TTC21B: variants seen among roughly 807,000 people sequenced by gnomAD.
The protein encoded by TTC21B is tetratricopeptide repeat domain 21B, also known as tetratricopeptide repeat protein 21B.
Under a neutral mutation model 175.1 loss-of-function variants are expected in TTC21B, and 127 were observed. The observed-to-expected ratio is 0.73, with a 90% CI of 0.63 to 0.84. TTC21B has a LOEUF of 0.84. Among genes scored for constraint, TTC21B ranks in the 40% least tolerant of loss-of-function variants. The pLI is 0.00. For missense variants in TTC21B, 1,561 were observed against 1,558.3 expected, an observed-to-expected ratio of 1.00 and a Z score of -0.03; for synonymous variants, 524 against 524.5, an observed-to-expected ratio of 1.00 and a Z score of 0.01.
rs747640594 is a variant in TTC21B, at chr2:165,919,437, A to G, written c.1517-4T>C. ...TTGAAAGCTGCTTCAATATCACCTAATAAGAAAAACAATGCATTGTTATAA... is the reference window on the plus strand; with the variant it reads ...TTGAAAGCTGCTTCAATATCACCTAGTAAGAAAAACAATGCATTGTTATAA... On this transcript the variant is annotated splice_region_variant and splice_polypyrimidine_tract_variant and intron_variant, in intron 12 of 28. Transcript: ENST00000243344. 19 of 1,613,786 alleles carry G rather than the reference A, an allele frequency of 1.2e-5. No individual in the cohort carries two copies. Among genetic ancestry groups the G allele is most frequent in the Admixed American group, 1.7e-5 (1 of 60,022 alleles).
At chr2:165,887,334 C>T (rs1281178027) in intron 25 of TTC21B, among the ~76,000 whole-genome samples, 3 of 152,084 alleles carry the variant, frequency 2.0e-5, no homozygotes, top group Non-Finnish European at 4.4e-5. Context: ...TAACTATTAC[C>T]AACTGCTGAT....
intron 6 of TTC21B, 114 bp from the exon 7 acceptor site, chr2:165,933,171 T>C (rs988640462): frequency 1.3e-5 from 10 of 764,676 alleles, no homozygotes; most frequent in Non-Finnish European, 2.2e-5. Flanking sequence ...ATAAGTAATT[T>C]TCACTAGTAA....
intron 27 of TTC21B, among the ~76,000 whole-genome samples, chr2:165,877,637 T>C (rs1388436329): frequency 9.2e-5 from 14 of 152,214 alleles, no homozygotes; most frequent in Admixed American, 5.2e-4. Context: ...TGTCTAATGA[T>C]GCATATCTCA....
At chr2:165,898,048 A>G (rs902004666) in intron 22 of TTC21B, among the ~76,000 whole-genome samples, 9 of 152,124 alleles carry the variant, frequency 5.9e-5, no homozygotes, top group Non-Finnish European at 1.0e-4. Flanking sequence ...TTCACAGAAA[A>G]TTTGTTGTCG....
intron 27 of TTC21B, 70 bp downstream of exon 27, chr2:165,880,609 G>T: frequency 6.6e-7 from 1 of 1,526,230 alleles, no homozygotes; most frequent in Non-Finnish European, 9.0e-7. Flanking sequence ...AAAATCAAAT[G>T]CATTTAAATG....
At chr2:165,946,169 CAAAAA>C (rs3032577) in intron 3 of TTC21B, among the ~76,000 whole-genome samples, 1 of 116,608 alleles carries the variant, frequency 8.6e-6, no homozygotes. Context: ...ACTAAAGATA[CAAAAA>C]AAAAAAAAAA....
intron 17 of TTC21B, among the ~76,000 whole-genome samples, chr2:165,911,729 C>T (rs1685954265): frequency 6.6e-6 from 1 of 151,526 alleles, no homozygotes; most frequent in African/African-American, 2.4e-5. Flanking sequence ...GTGATGCAAT[C>T]TCAGCTCACT....
intron 26 of TTC21B, 53 bp from the exon 27 acceptor site, chr2:165,880,852 T>C: frequency 6.3e-7 from 1 of 1,577,342 alleles, no homozygotes; most frequent in Non-Finnish European, 8.7e-7. Flanking sequence ...ACTAAGATTT[T>C]ATGGGATGTT....
Position 165,949,684 on chromosome 2 carries a change from T to C in TTC21B, c.62A>G (p.His21Arg), listed in dbSNP as rs757283243. 2.0e-5 allele frequency: 33 copies of C among 1,612,536 alleles called. No individual in the cohort carries two copies. The highest frequency in any genetic ancestry group is 4.0e-5 in the African/African-American group (3 of 74,878). Reference protein sequence around the residue: ...NYYCQERYFHHVLLVASEGIK... With the variant: ...NYYCQERYFHRVLLVASEGIK... ...TCCTTCACTGGCAACCAGTAATACATGATGGAAATATCTCTCTTGACAATA... is the reference window on the plus strand; with the variant it reads ...TCCTTCACTGGCAACCAGTAATACACGATGGAAATATCTCTCTTGACAATA... The change falls in exon 2 of 29, where the codon CAT becomes CGT. Residue 21 changes from histidine to arginine, a missense_variant. Coordinates refer to ENST00000243344, the MANE Select transcript of TTC21B (RefSeq NM_024753.5).
intron 11 of TTC21B, among the ~76,000 whole-genome samples, chr2:165,927,605 G>A (rs987865685): frequency 6.6e-6 from 1 of 151,130 alleles, no homozygotes; most frequent in African/African-American, 2.4e-5. Flanking sequence ...GCTCTAAGTA[G>A]AGTGCTAGGT....
chr2:165,901,717 C>T lies in TTC21B; in HGVS notation c.2757+5G>A, dbSNP rs764028101. On this transcript the variant is annotated splice_donor_5th_base_variant and intron_variant, in intron 20 of 28. Coordinates refer to ENST00000243344, the MANE Select transcript of TTC21B (RefSeq NM_024753.5). ...AGGTATTTAAAATTTTATAAAGGTA[C>T]TGACCTTATTATCTGTTTCGCAGTG... 6.2e-7 allele frequency: 1 copy of T among 1,612,780 alleles called. No individual in the cohort carries two copies. The highest frequency in any genetic ancestry group is 1.1e-5 in the South Asian group (1 of 91,044).
At position 165,941,119 on chromosome 2, in the gene TTC21B, C is replaced by T. The variant is rs1287866855; in HGVS notation, c.618G>A (p.Val206=). 2 of 1,613,784 alleles carry T rather than the reference C, an allele frequency of 1.2e-6. No individual in the cohort carries two copies. Among genetic ancestry groups the T allele is most frequent in the Non-Finnish European group, 1.7e-6 (2 of 1,179,876 alleles). ...AAGCAGGAAGGAAGCTCGGAAAATT[C>T]ACGATTATCTGGTTCACAGTCTCCA... ...GALETVNQII[V]NFPSFLPAFV... Residue 206 remains valine (V), a synonymous_variant, in exon 6 of 29, where the codon GTG becomes GTA. Coordinates refer to ENST00000243344, the MANE Select transcript of TTC21B (RefSeq NM_024753.5).
chr2:165,924,478 C>T (rs996716480), intron 12 of TTC21B, 71 bp downstream of exon 12: 66 of 1,464,980 alleles, frequency 4.5e-5, no homozygotes, highest in Non-Finnish European at 5.7e-5. Flanking sequence ...ATACACAGTG[C>T]TTAATTTATT....
intron 21 of TTC21B, 61 bp downstream of exon 21, chr2:165,899,709 G>A (rs1288722655): frequency 1.8e-6 from 2 of 1,121,694 alleles, no homozygotes; most frequent in East Asian, 2.4e-5. Context: ...GTTCCATGGG[G>A]TAAAATTTAA....
intron 13 of TTC21B, 42 bp from the exon 14 acceptor site, chr2:165,917,523 A>G (rs749509734): frequency 2.7e-5 from 38 of 1,426,328 alleles, no homozygotes; most frequent in Non-Finnish European, 1.4e-5. Flanking sequence ...TGCTTACAAC[A>G]TCAACACATA....
chr2:165,945,433 T>C, intron 4 of TTC21B, 91 bp downstream of exon 4: 2 of 1,250,960 alleles, frequency 1.6e-6, no homozygotes, highest in Non-Finnish European at 2.3e-6. Context: ...GAGTGAACAA[T>C]AATAAAGAGC....
chr2:165,889,783 T>C (rs16851257), intron 24 of TTC21B, among the ~76,000 whole-genome samples: 2,748 of 152,294 alleles, frequency 0.018, 119 homozygotes, highest in Admixed American at 0.099. Flanking sequence ...TCTATTTAAA[T>C]CCATTTATAT....
At chr2:165,938,070 TAGTC>T (rs1242699838) in intron 6 of TTC21B, among the ~76,000 whole-genome samples, 2 of 151,896 alleles carry the variant, frequency 1.3e-5, no homozygotes, top group East Asian at 1.9e-4. Flanking sequence ...AAGCTCCTAA[TAGTC>T]AGAGAAAAGA....
intron 17 of TTC21B, 92 bp downstream of exon 17, chr2:165,912,422 T>G (rs1181499891): frequency 5.1e-6 from 5 of 985,424 alleles, no homozygotes; most frequent in Non-Finnish European, 8.2e-6. Flanking sequence ...TTACAACCAT[T>G]AAAGATGCAA....
Sources: gnomAD v4.1 joint callset for allele counts (sites outside exome capture counted in the v4.1 genomes callset) on GRCh38, gnomAD v4.1.1 for gene constraint, MANE v1.5 for transcripts, NCBI Gene and HGNC (gene_info 2026-07-23, HGNC 2026-07-21) for gene names.